The following WWC1 variants were observed in gnomAD, a reference collection of about 807,000 sequenced individuals.
WWC1 encodes the protein WW and C2 domain containing 1.
Under a neutral mutation model 138.4 loss-of-function variants are expected in WWC1, and 55 were observed. That is an observed-to-expected ratio of 0.40 (90% confidence interval 0.32 to 0.50). The LOEUF (loss-of-function observed/expected upper bound fraction) is 0.50, where lower values mean the gene tolerates loss of function less well. Among genes scored for constraint, WWC1 ranks in the 20% least tolerant of loss-of-function variants. WWC1 has a pLI of 0.72. For synonymous variants in WWC1, 524 were observed against 564.9 expected, an observed-to-expected ratio of 0.93 and a Z score of 1.03; for missense variants, 1,226 against 1,420.4, an observed-to-expected ratio of 0.86 and a Z score of 2.20.
At chr5:168,427,643 G>C (rs1046322783) in intron 11 of WWC1, among the ~76,000 whole-genome samples, 2 of 149,242 alleles carry the variant, frequency 1.3e-5, no homozygotes, top group African/African-American at 5.0e-5. Context: ...ATCAAAATTG[G>C]GAGTTCAGGC....
rs111819361 is a variant in WWC1 at position 168,437,427 on chromosome 5, G to T, written c.2281-4255G>T. ...CATTGGCAACTATTTCTCTTTCTTGGTGCATAAAATAATGGTACACTTTTA... is the reference window on the plus strand; with the variant it reads ...CATTGGCAACTATTTCTCTTTCTTGTTGCATAAAATAATGGTACACTTTTA... On this transcript the variant is annotated intron_variant, in intron 15 of 22. Transcript: ENST00000265293. Among the ~76,000 whole-genome samples the T allele has an allele frequency of 5.0e-3, 763 of 152,048 alleles. 3 individuals carry two copies. The highest frequency in any genetic ancestry group is 0.014 in the Middle Eastern group (4 of 294).
chr5:168,381,076 G>A (rs1014825759), intron 2 of WWC1, among the ~76,000 whole-genome samples: 9 of 152,076 alleles, frequency 5.9e-5, no homozygotes, highest in Admixed American at 2.6e-4. Context: ...GAAATCTCTC[G>A]GGTGATTCCA....
In WWC1 at chr5:168,423,619, T is replaced by C; in HGVS notation, c.1361T>C (p.Leu454Pro). 1 of 1,614,168 alleles carries C rather than the reference T, an allele frequency of 6.2e-7. No homozygotes were observed. ...CGGGGCTCCCTGGTTGCATCCAGCCTGGACTCCTCCACTTCAGCCAGCTTC... is the reference window on the plus strand; with the variant it reads ...CGGGGCTCCCTGGTTGCATCCAGCCCGGACTCCTCCACTTCAGCCAGCTTC... ...SSRGSLVASSLDSSTSASFTD... is the reference protein window; with the variant it reads ...SSRGSLVASSPDSSTSASFTD... The change falls in exon 11 of 23, where the codon CTG becomes CCG. Residue 454 changes from leucine (L) to proline (P), a missense_variant. Physicochemically the swap from Leu to Pro is moderately conservative, Grantham distance 98. Coordinates refer to ENST00000265293, the MANE Select transcript of WWC1 (RefSeq NM_015238.3).
chr5:168,349,473 A>G (rs890836063), intron 1 of WWC1, among the ~76,000 whole-genome samples: 80 of 152,226 alleles, frequency 5.3e-4, no homozygotes, highest in Admixed American at 4.4e-3. Flanking sequence ...CCCACTCTCC[A>G]GGGCCTCATC....
At chr5:168,416,556 C>T (rs536034849) in intron 9 of WWC1, 1 of 152,236 alleles carries the variant, frequency 6.6e-6, no homozygotes, top group African/African-American at 2.4e-5. Flanking sequence ...TATACCCATT[C>T]CCTGGGTCCC....
chr5:168,459,390 C>T (rs887935992), intron 19 of WWC1, among the ~76,000 whole-genome samples: 1 of 152,160 alleles, frequency 6.6e-6, no homozygotes. Flanking sequence ...CATCCCTGAG[C>T]CCTACTTACA....
chr5:168,370,310 G>T (rs1776656018), intron 1 of WWC1, among the ~76,000 whole-genome samples: 1 of 152,202 alleles, frequency 6.6e-6, no homozygotes, highest in Non-Finnish European at 1.5e-5. Flanking sequence ...AATTTAAAAG[G>T]TGATGATCCA....
At chr5:168,334,847 C>T (rs879578302) in intron 1 of WWC1, among the ~76,000 whole-genome samples, 2 of 152,232 alleles carry the variant, frequency 1.3e-5, no homozygotes, top group East Asian at 1.9e-4. Context: ...AGCGCCTGAG[C>T]GCCTGGAGCC....
intron 2 of WWC1, among the ~76,000 whole-genome samples, chr5:168,375,830 C>T (rs926067470): frequency 3.3e-5 from 5 of 152,096 alleles, no homozygotes; most frequent in East Asian, 3.9e-4. Context: ...CCACCTTGGC[C>T]TCCCAAAGTG....
At chr5:168,429,422 C>G (rs1781772105) in intron 13 of WWC1, among the ~76,000 whole-genome samples, 1 of 151,936 alleles carries the variant, frequency 6.6e-6, no homozygotes, top group South Asian at 2.1e-4. Context: ...CCACGCCCGG[C>G]TAACTTTTGT....
chr5:168,331,933 G>A (rs887858545), intron 1 of WWC1, among the ~76,000 whole-genome samples: 3 of 152,064 alleles, frequency 2.0e-5, no homozygotes, highest in Non-Finnish European at 4.4e-5. Context: ...ATCACTTGAG[G>A]CCAGAAGTTT....
At chr5:168,457,924 A>G (rs957013761) in intron 19 of WWC1, among the ~76,000 whole-genome samples, 2 of 152,280 alleles carry the variant, frequency 1.3e-5, no homozygotes, top group Middle Eastern at 3.4e-3. Context: ...TCAAGAGACA[A>G]TAGTAATAGA....
chr5:168,434,542 A>G (rs763782798), intron 15 of WWC1, among the ~76,000 whole-genome samples: 4 of 152,206 alleles, frequency 2.6e-5, no homozygotes, highest in Non-Finnish European at 5.9e-5. Flanking sequence ...CCCCAGGAAG[A>G]TAAGGGATCA....
rs535498488 is a variant in WWC1, at chr5:168,441,957, T to A, written c.2433+123T>A. The A allele has an allele frequency of 8.5e-5, 118 of 1,380,636 alleles. No homozygotes were observed. In the African/African-American group the frequency reaches 1.4e-3, roughly 17 times the overall value. The allele number at this position is 1,380,636 out of a possible 1,614,324, so 85.5% of individuals were successfully genotyped here. On this transcript the variant is annotated intron_variant, in intron 16 of 22. Coordinates refer to ENST00000265293, the MANE Select transcript of WWC1 (RefSeq NM_015238.3). ...GAGGAGAACAATGGGGTGGAGGAAG[T>A]AGGAGAAGAAGACAGGGAAGGAGAG...
intron 5 of WWC1, 120 bp from the exon 6 acceptor site, chr5:168,406,078 G>C: frequency 7.8e-7 from 1 of 1,283,110 alleles, no homozygotes; most frequent in South Asian, 1.4e-5. Flanking sequence ...GGAAGGGTTA[G>C]CAGGACAGAG....
intron 1 of WWC1, among the ~76,000 whole-genome samples, chr5:168,341,701 T>TA (rs1261527198): frequency 2.7e-5 from 3 of 112,624 alleles, no homozygotes; most frequent in Non-Finnish European, 4.3e-5. Flanking sequence ...ATTTGCTGAT[T>TA]TAAAAAAAAA....
At chr5:168,303,387 A>T (rs571261345) in intron 1 of WWC1, among the ~76,000 whole-genome samples, 1 of 152,246 alleles carries the variant, frequency 6.6e-6, no homozygotes, top group Admixed American at 6.5e-5. Context: ...GTTTGAGCCC[A>T]GGAGTTTGAG....
intron 6 of WWC1, among the ~76,000 whole-genome samples, chr5:168,407,887 G>A (rs535743742): frequency 2.0e-5 from 3 of 151,746 alleles, no homozygotes; most frequent in East Asian, 1.9e-4. Flanking sequence ...TTAAGAACCA[G>A]GGTCTCGCTC....
intron 3 of WWC1, among the ~76,000 whole-genome samples, chr5:168,388,661 C>T (rs1284725093): frequency 6.6e-6 from 1 of 151,982 alleles, no homozygotes; most frequent in Non-Finnish European, 1.5e-5. Context: ...AAAATCTTCT[C>T]TCTTCTAAAA....
Sources: gnomAD v4.1 joint callset for allele counts (sites outside exome capture counted in the v4.1 genomes callset) on GRCh38, gnomAD v4.1.1 for gene constraint, MANE v1.5 for transcripts, NCBI Gene and HGNC (gene_info 2026-07-23, HGNC 2026-07-21) for gene names.